Variants in AGBL3 observed in about 807,000 individuals in gnomAD.
The protein encoded by AGBL3 is cytosolic carboxypeptidase 3.
In AGBL3, 68 loss-of-function variants were observed where a neutral mutation model predicts 94.5. That is an observed-to-expected ratio of 0.72 (90% CI 0.59 to 0.88). The LOEUF is 0.88. AGBL3 is among the 40% of genes least tolerant of loss of function. AGBL3 has a pLI of 0.00. For synonymous variants in AGBL3, 354 were observed against 370.7 expected (o/e 0.95, Z 0.52); for missense variants, 934 against 1,103.8 (o/e 0.85, Z 2.18).
intron 11 of AGBL3, among the ~76,000 whole-genome samples, chr7:135,048,104 ATAT>A (rs1817543245): frequency 6.6e-6 from 1 of 151,700 alleles, no homozygotes; most frequent in African/African-American, 2.4e-5. Context: ...TTTGTTGAAG[ATAT>A]TATTCTTTTC....
chr7:135,024,356 G>A (rs1814853088), intron 5 of AGBL3, among the ~76,000 whole-genome samples: 1 of 152,214 alleles, frequency 6.6e-6, no homozygotes, highest in African/African-American at 2.4e-5. Flanking sequence ...TCTGTGGTTT[G>A]TAGCACAAAT....
intron 15 of AGBL3, among the ~76,000 whole-genome samples, chr7:135,103,485 T>C (rs1824169864): frequency 6.6e-6 from 1 of 152,192 alleles, no homozygotes; most frequent in Non-Finnish European, 1.5e-5. Flanking sequence ...TGCATGCTTT[T>C]TTCTTAGGAA....
chr7:135,120,340 A>T (rs917061885), intron 16 of AGBL3, among the ~76,000 whole-genome samples: 1 of 152,236 alleles, frequency 6.6e-6, no homozygotes, highest in African/African-American at 2.4e-5. Flanking sequence ...AGGTAAAAGG[A>T]CATAAAAGGA....
chr7:135,004,166 G>A (rs1812087100), intron 4 of AGBL3, among the ~76,000 whole-genome samples: 1 of 151,572 alleles, frequency 6.6e-6, no homozygotes, highest in African/African-American at 2.4e-5. Context: ...TTTATTAAAT[G>A]CCTTTTTAAC....
At position 135,096,584 on chromosome 7, in the gene AGBL3, C is replaced by CATACATAGATAGATAG. The variant is rs1822811727; in HGVS notation, c.2110+14797_2110+14798insCATAGATAGATAGATA. Among the ~76,000 whole-genome samples, 8 of 88,814 alleles carry CATACATAGATAGATAG rather than the reference C, an allele frequency of 9.0e-5. No individual in the cohort carries two copies. The East Asian group carries it at 1.7e-3, about 18-fold the overall frequency. 58.3% of individuals were successfully genotyped at this position (88,814 alleles called of 152,430 possible). A position where few individuals can be genotyped will look rare whatever the true frequency, so the allele number is the denominator to read the frequency against. On this transcript the variant is annotated intron_variant, in intron 15 of 16. Coordinates refer to ENST00000436302, the MANE Select transcript of AGBL3 (RefSeq NM_178563.4). The stretch of plus-strand genomic sequence containing the variant: ...AGATAGATAGATAGATAGATAGATA[C>CATACATAGATAGATAG]ATAGATAGATAGATAGATAGATAGA...
intron 11 of AGBL3, among the ~76,000 whole-genome samples, chr7:135,049,641 G>T (rs573556784): frequency 6.6e-6 from 1 of 151,672 alleles, no homozygotes; most frequent in Admixed American, 6.6e-5. Flanking sequence ...ATTTAGTCTT[G>T]GTAATTTGTA....
intron 5 of AGBL3, among the ~76,000 whole-genome samples, chr7:135,030,631 G>T (rs10272769): frequency 0.025 from 3,801 of 152,128 alleles, 153 homozygotes; most frequent in African/African-American, 0.083. Flanking sequence ...ACCAAAATTT[G>T]AGAAAATTTC....
At chr7:134,988,355 G>C (rs933784157) in intron 2 of AGBL3, 2 of 192,288 alleles carry the variant, frequency 1.0e-5, no homozygotes, top group Non-Finnish European at 2.1e-5. Flanking sequence ...ATGAATCATA[G>C]TAGAACCACC....
chr7:135,090,248 C>A (rs1821662792), intron 15 of AGBL3, among the ~76,000 whole-genome samples: 1 of 152,102 alleles, frequency 6.6e-6, no homozygotes, highest in African/African-American at 2.4e-5. Context: ...CAGCAAGTAC[C>A]CCAGTGTGGT....
At chr7:135,068,630 A>C (rs1373909585) in intron 12 of AGBL3, among the ~76,000 whole-genome samples, 2 of 152,218 alleles carry the variant, frequency 1.3e-5, no homozygotes, top group African/African-American at 4.8e-5. Flanking sequence ...ATATCCAGCC[A>C]AACTAAACTT....
intron 1 of AGBL3, among the ~76,000 whole-genome samples, chr7:134,987,109 A>G (rs982893074): frequency 3.3e-5 from 5 of 152,240 alleles, no homozygotes; most frequent in African/African-American, 1.2e-4. Context: ...GGTGTCATCT[A>G]TGAGACAGTC....
chr7:135,014,983 T>C (rs541044725), intron 4 of AGBL3, among the ~76,000 whole-genome samples: 11 of 152,336 alleles, frequency 7.2e-5, no homozygotes, highest in Non-Finnish European at 1.5e-4. Context: ...GCCAACACTT[T>C]CAAATAGTTT....
chr7:135,093,117 G>A (rs192664110), intron 15 of AGBL3: 1 of 150,368 alleles, frequency 6.7e-6, no homozygotes, highest in East Asian at 2.0e-4. Context: ...TTCTCCCTGA[G>A]ACCTGGAACA....
At chr7:135,015,467 G>A (rs1316978089) in intron 4 of AGBL3, among the ~76,000 whole-genome samples, 1 of 152,066 alleles carries the variant, frequency 6.6e-6, no homozygotes, top group Non-Finnish European at 1.5e-5. Context: ...ACAACGTAAA[G>A]AACAATTTTA....
At chr7:135,035,537 A>AGT (rs1284881080) in intron 7 of AGBL3, among the ~76,000 whole-genome samples, 1 of 152,118 alleles carries the variant, frequency 6.6e-6, no homozygotes, top group African/African-American at 2.4e-5. Flanking sequence ...AGAATAAGAG[A>AGT]GTAGATTTTT....
At chr7:135,076,490 T>C (rs1820462527) in intron 13 of AGBL3, 22 bp downstream of exon 13, 1 of 1,497,294 alleles carries the variant, frequency 6.7e-7, no homozygotes. Flanking sequence ...TTAATCTAGT[T>C]ATTAAGGTTT....
chr7:135,004,912 GGATTT>G (rs1455309639), intron 4 of AGBL3, among the ~76,000 whole-genome samples: 2 of 150,610 alleles, frequency 1.3e-5, no homozygotes, highest in Non-Finnish European at 3.0e-5. Flanking sequence ...TTTATAAATC[GGATTT>G]ATTTAGATTT....
At chr7:135,030,255 T>C (rs1157768677) in intron 5 of AGBL3, among the ~76,000 whole-genome samples, 1 of 152,102 alleles carries the variant, frequency 6.6e-6, no homozygotes, top group Admixed American at 6.6e-5. Context: ...CATTGTTTCC[T>C]ATACAGATAT....
chr7:135,038,550 A>G (rs1397270771), intron 8 of AGBL3, among the ~76,000 whole-genome samples: 1 of 152,162 alleles, frequency 6.6e-6, no homozygotes, highest in Non-Finnish European at 1.5e-5. Context: ...AAATGGACCA[A>G]TTTCTTAAAT....
Sources: gnomAD v4.1 joint callset for allele counts (sites outside exome capture counted in the v4.1 genomes callset) on GRCh38, gnomAD v4.1.1 for gene constraint, MANE v1.5 for transcripts, NCBI Gene and HGNC (gene_info 2026-07-23, HGNC 2026-07-21) for gene names.